Variants in CHST1 observed in about 807,000 individuals in gnomAD.
CHST1 encodes Keratan sulfotransferase.
In CHST1, 10 loss-of-function variants were observed where a neutral mutation model predicts 22.5. That is an observed-to-expected ratio of 0.44 (90% CI 0.27 to 0.75). The LOEUF (loss-of-function observed/expected upper bound fraction) is 0.75. Among genes scored for constraint, CHST1 ranks in the 30% least tolerant of loss-of-function variants. The pLI is 0.15. For synonymous variants in CHST1, 267 were observed against 264.5 expected (o/e 1.01, Z -0.09); for missense variants, 439 against 576.1 (o/e 0.76, Z 2.44).
chr11:45,660,363 C>T (rs1289858753), intron 1 of CHST1, among the ~76,000 whole-genome samples: 1 of 152,198 alleles, frequency 6.6e-6, no homozygotes, highest in African/African-American at 2.4e-5. Context: ...CTACAGGCTT[C>T]CCTTCCATCC....
chr11:45,658,753 C>T (rs1052343999), intron 1 of CHST1, among the ~76,000 whole-genome samples: 1 of 152,018 alleles, frequency 6.6e-6, no homozygotes, highest in East Asian at 1.9e-4. Flanking sequence ...AGGCGGGACT[C>T]TACAGCCCCG....
chr11:45,663,273 C>T (rs1030313136), intron 1 of CHST1, among the ~76,000 whole-genome samples: 7 of 152,164 alleles, frequency 4.6e-5, no homozygotes, highest in Non-Finnish European at 8.8e-5. Context: ...CAGAGGTACT[C>T]CTCCTCCGAT....
chr11:45,657,080 G>A (rs780061583), intron 1 of CHST1, among the ~76,000 whole-genome samples: 1 of 151,024 alleles, frequency 6.6e-6, no homozygotes, highest in South Asian at 2.1e-4. Flanking sequence ...GATGAATGGG[G>A]TCCCAAGGCT....
chr11:45,651,358 C>T (rs567023405), intron 3 of CHST1: 5 of 158,864 alleles, frequency 3.1e-5, no homozygotes, highest in South Asian at 2.0e-4. Context: ...CACGAGCTGG[C>T]GCCCAGTTCT....
rs139813023 is a variant in CHST1 at position 45,650,132 on chromosome 11, G to C, written c.792C>G (p.Pro264=). The C allele has an allele frequency of 3.5e-4, 560 of 1,613,950 alleles. No homozygotes were observed. Among genetic ancestry groups the C allele is most frequent in the Non-Finnish European group, 4.3e-4 (509 of 1,180,030 alleles). Residue 264 remains proline, a synonymous_variant, in exon 4 of 4, where the codon CCC becomes CCG. Transcript: ENST00000308064. ...TCAGCTGCGTCACGTCCAGGTTGTA[G>C]GGTTTCCTCCCGGTGCCGTACCAGA... The part of the protein sequence containing the change: ...WRLWYGTGRK[P]YNLDVTQLTT...
chr11:45,650,120 G>A lies in CHST1; in HGVS notation c.804C>T (p.Asp268=), dbSNP rs1851972838. ...CGCACACCGTGGTCAGCTGCGTCACGTCCAGGTTGTAGGGTTTCCTCCCGG... is the reference window on the plus strand; with the variant it reads ...CGCACACCGTGGTCAGCTGCGTCACATCCAGGTTGTAGGGTTTCCTCCCGG... ...YGTGRKPYNL[D]VTQLTTVCED... The change falls in exon 4 of 4, where the codon GAC becomes GAT. Residue 268 remains aspartate, a synonymous_variant. Coordinates refer to ENST00000308064, the MANE Select transcript of CHST1 (RefSeq NM_003654.6). The A allele has an allele frequency of 6.2e-7, 1 of 1,613,992 alleles. No homozygotes were observed. Among genetic ancestry groups the A allele is most frequent in the Non-Finnish European group, 8.5e-7 (1 of 1,180,018 alleles).
chr11:45,655,385 C>G (rs901324852), intron 1 of CHST1, among the ~76,000 whole-genome samples: 1 of 152,254 alleles, frequency 6.6e-6, no homozygotes, highest in African/African-American at 2.4e-5. Flanking sequence ...CTCTCCCGGC[C>G]TGGGAACTTC....
intron 1 of CHST1, among the ~76,000 whole-genome samples, chr11:45,658,347 C>T (rs1017766629): frequency 2.0e-5 from 3 of 152,222 alleles, no homozygotes; most frequent in Non-Finnish European, 4.4e-5. Flanking sequence ...AGAGCAAATG[C>T]TTATTAAGAG....
chr11:45,650,157 A>G lies in CHST1; in HGVS notation c.767T>C (p.Leu256Pro). The G allele has an allele frequency of 6.2e-7, 1 of 1,613,572 alleles. No individual in the cohort carries two copies. The highest frequency in any genetic ancestry group is 8.5e-7 in the Non-Finnish European group (1 of 1,180,014). The change falls in exon 4 of 4, where the codon CTC becomes CCC. Residue 256 changes from leucine (L) to proline (P), a missense_variant. Physicochemically the swap from Leu to Pro is moderately conservative, Grantham distance 98. Coordinates refer to ENST00000308064, the MANE Select transcript of CHST1 (RefSeq NM_003654.6). ...TFRDTYRLWR[L>P]WYGTGRKPYN... ...GGGTTTCCTCCCGGTGCCGTACCAG[A>G]GCCGCCAGAGCCGGTACGTGTCGCG...
rs921003110 is a variant in CHST1 at position 45,665,488 on chromosome 11, G to A, written c.-537C>T. 6.6e-6 allele frequency: 1 copy of A among 151,774 alleles called. No homozygotes were observed. The allele number at this position is 151,774 out of a possible 1,614,324, so 9.4% of individuals were successfully genotyped here. Reference sequence around the variant, plus strand: ...CAGGGACCCGAGAGATGCCGGGACAGGGGCCGGGACCCGGAGCGCCGCAGC... The same window carrying A: ...CAGGGACCCGAGAGATGCCGGGACAAGGGCCGGGACCCGGAGCGCCGCAGC... On this transcript the variant is annotated 5_prime_UTR_variant, in exon 1 of 4. Coordinates refer to ENST00000308064, the MANE Select transcript of CHST1 (RefSeq NM_003654.6). This position sits in a 1 kb window ranked among gnomAD's most constrained non-coding sequence, Gnocchi z 4.0.
chr11:45,664,687 C>G (rs1044923213), intron 1 of CHST1, among the ~76,000 whole-genome samples: 1 of 152,220 alleles, frequency 6.6e-6, no homozygotes, highest in African/African-American at 2.4e-5. Context: ...CCCAGCTCAT[C>G]GCAGCGGTCT....
In CHST1 at chr11:45,649,774, C is replaced by T. The variant is rs1420274932; in HGVS notation, c.1150G>A (p.Gly384Ser). Residue 384 changes from glycine (G) to serine (S), a missense_variant, in exon 4 of 4, where the codon GGC (glycine) becomes AGC (serine). By Grantham distance (56) the Gly-to-Ser change is moderately conservative. Transcript: ENST00000308064. ...NACQQVLAQL[G>S]YKIAASEEEL... ...TCCTCCGAGGCGGCGATCTTGTAGC[C>T]CAGCTGGGCCAGCACCTGCTGGCAG... 2 of 1,611,634 alleles carry T rather than the reference C, an allele frequency of 1.2e-6. No individual in the cohort carries two copies. The highest frequency in any genetic ancestry group is 3.3e-5 in the Admixed American group (2 of 60,012).
At chr11:45,663,444 G>A (rs1268541595) in intron 1 of CHST1, among the ~76,000 whole-genome samples, 1 of 152,224 alleles carries the variant, frequency 6.6e-6, no homozygotes, top group Non-Finnish European at 1.5e-5. Context: ...CCAGGACAGA[G>A]GGAAGCTTGA....
At chr11:45,657,306 GA>G (rs4148905) in intron 1 of CHST1, among the ~76,000 whole-genome samples, 71,442 of 151,958 alleles carry the variant, frequency 0.47, 17,003 homozygotes, top group South Asian at 0.52. Context: ...TGATGAAAAT[GA>G]AGGCAAGGCA....
intron 1 of CHST1, among the ~76,000 whole-genome samples, chr11:45,660,455 G>A (rs1253918694): frequency 1.3e-5 from 2 of 152,166 alleles, no homozygotes; most frequent in East Asian, 1.9e-4. Flanking sequence ...GCTAGGAGCA[G>A]CATAACAGCA....
chr11:45,662,271 A>G (rs1468808949), intron 1 of CHST1, among the ~76,000 whole-genome samples: 2 of 152,152 alleles, frequency 1.3e-5, no homozygotes, highest in East Asian at 3.9e-4. Context: ...CTCAACCCCT[A>G]GGGGCTCCAG....
At chr11:45,660,793 A>G (rs758248957) in intron 1 of CHST1, among the ~76,000 whole-genome samples, 4 of 151,864 alleles carry the variant, frequency 2.6e-5, no homozygotes, top group African/African-American at 4.8e-5. Context: ...CCCCCCACAC[A>G]CTGCAGGGAC....
At chr11:45,660,188 T>C (rs974031827) in intron 1 of CHST1, among the ~76,000 whole-genome samples, 1 of 152,166 alleles carries the variant, frequency 6.6e-6, no homozygotes, top group African/African-American at 2.4e-5. Flanking sequence ...GGGTAAGAAC[T>C]ACAGCTGAAT....
chr11:45,649,733 G>A lies in CHST1; in HGVS notation c.1191C>T (p.Pro397=), dbSNP rs1255729948. 6.2e-7 allele frequency: 1 copy of A among 1,605,268 alleles called. No homozygotes were observed. Among genetic ancestry groups the A allele is most frequent in the South Asian group, 1.1e-5 (1 of 90,590 alleles). Residue 397 remains proline (P), a synonymous_variant, in exon 4 of 4, where the codon CCC becomes CCT. Coordinates refer to ENST00000308064, the MANE Select transcript of CHST1 (RefSeq NM_003654.6). The part of the protein sequence containing the change: ...IAASEEELKN[P]SVSLVEERDF... ...CCCGCTCCTCCACCAGGCTGACCGAGGGGTTCTTCAGCTCCTCCTCCGAGG... is the reference window on the plus strand; with the variant it reads ...CCCGCTCCTCCACCAGGCTGACCGAAGGGTTCTTCAGCTCCTCCTCCGAGG...
Sources: allele counts gnomAD v4.1 joint callset (sites outside exome capture counted in the v4.1 genomes callset), GRCh38; gene constraint gnomAD v4.1.1; non-coding constraint Gnocchi (gnomAD v3.1); transcripts MANE v1.5; gene names NCBI Gene and HGNC (gene_info 2026-07-23, HGNC 2026-07-21).